CASTOR2: variants seen among roughly 807,000 people sequenced by gnomAD.
The protein encoded by CASTOR2 is cytosolic arginine sensor for mTORC1 subunit 2.
A neutral mutation model predicts 31.2 loss-of-function variants in CASTOR2; 8 were observed. The observed-to-expected ratio is 0.26, with a 90% CI of 0.15 to 0.46. The LOEUF is 0.46. Among genes scored for constraint, CASTOR2 ranks in the 20% least tolerant of loss-of-function variants. The pLI is 0.99. For missense variants in CASTOR2, 216 were observed against 382.1 expected (o/e 0.57, Z 3.62); for synonymous variants, 162 against 158.7 (o/e 1.02, Z -0.16).
intron 1 of CASTOR2, among the ~76,000 whole-genome samples, chr7:74,998,174 G>A (rs1232179433): frequency 1.2e-4 from 18 of 152,106 alleles, no homozygotes; most frequent in Non-Finnish European, 1.8e-4. Flanking sequence ...CTAAGCTTCG[G>A]TTTTCCCGTC....
intron 7 of CASTOR2, among the ~76,000 whole-genome samples, chr7:75,022,484 G>A (rs1805029166): frequency 3.8e-5 from 1 of 26,136 alleles, no homozygotes; most frequent in South Asian, 1.1e-3. Flanking sequence ...CAACCTGGGT[G>A]ACAGAGCAAA....
chr7:75,017,864 C>G, intron 3 of CASTOR2, 73 bp downstream of exon 3: 1 of 1,613,810 alleles, frequency 6.2e-7, no homozygotes, highest in Middle Eastern at 1.7e-4. Flanking sequence ...ATCTCCCACC[C>G]CTTGCAGCCT....
intron 1 of CASTOR2, among the ~76,000 whole-genome samples, chr7:74,985,051 C>A (rs1804031323): frequency 6.6e-6 from 1 of 152,114 alleles, no homozygotes; most frequent in Non-Finnish European, 1.5e-5. Context: ...ACATAAGAAT[C>A]ATTTGAACCC....
At chr7:75,012,264 C>T (rs1346000160) in intron 2 of CASTOR2, among the ~76,000 whole-genome samples, 1 of 152,078 alleles carries the variant, frequency 6.6e-6, no homozygotes, top group East Asian at 1.9e-4. Flanking sequence ...CTGTACCCCT[C>T]ATCTCCTTGG....
intron 2 of CASTOR2, among the ~76,000 whole-genome samples, chr7:75,014,240 C>T (rs1290336620): frequency 1.3e-5 from 2 of 151,756 alleles, no homozygotes; most frequent in African/African-American, 4.8e-5. Flanking sequence ...GTCCATGCCA[C>T]GCATGGCAAG....
chr7:75,008,176 A>T (rs1219120963), intron 2 of CASTOR2, 112 bp downstream of exon 2: 1 of 1,308,160 alleles, frequency 7.6e-7, no homozygotes, highest in Non-Finnish European at 1.1e-6. Flanking sequence ...GCCCCCACCT[A>T]CCTCCTTACT....
chr7:75,021,144 A>G (rs1460858478), intron 6 of CASTOR2, among the ~76,000 whole-genome samples: 3 of 152,024 alleles, frequency 2.0e-5, no homozygotes, highest in African/African-American at 7.2e-5. Flanking sequence ...GGCGCACACC[A>G]CCATACCCTG....
rs1805118463 is a variant in CASTOR2 at position 75,025,986 on chromosome 7, C to G, written c.*1287C>G. 6.6e-6 allele frequency among the ~76,000 whole-genome samples: 1 copy of G among 152,180 alleles called. No homozygotes were observed. On this transcript the variant is annotated 3_prime_UTR_variant, in exon 9 of 9. Transcript: ENST00000616305. Reference sequence around the variant, plus strand: ...GAGCCGCTGGCACCCCACATGGGAACTCCCACCAACCAGCTGTAGTTCTAT... The same window carrying G: ...GAGCCGCTGGCACCCCACATGGGAAGTCCCACCAACCAGCTGTAGTTCTAT...
chr7:74,976,531 TCTC>T (rs369879917), intron 1 of CASTOR2, among the ~76,000 whole-genome samples: 21,705 of 118,416 alleles, frequency 0.18, 2,281 homozygotes, highest in Middle Eastern at 0.22. Flanking sequence ...TGAGACCCTG[TCTC>T]CTCCTCCTCC....
intron 1 of CASTOR2, among the ~76,000 whole-genome samples, chr7:74,989,255 C>T (rs1222743706): frequency 2.5e-5 from 3 of 121,640 alleles, no homozygotes; most frequent in Middle Eastern, 7.7e-3. Context: ...TGAGCCACCA[C>T]GCCTGGCCTT....
At chr7:74,981,552 C>T (rs1803945858) in intron 1 of CASTOR2, among the ~76,000 whole-genome samples, 1 of 145,368 alleles carries the variant, frequency 6.9e-6, no homozygotes, top group African/African-American at 2.5e-5. Context: ...GGTCTCATCC[C>T]CTCCAGGCAG....
At chr7:74,979,418 G>A (rs1379776441) in intron 1 of CASTOR2, among the ~76,000 whole-genome samples, 5 of 128,382 alleles carry the variant, frequency 3.9e-5, no homozygotes, top group Admixed American at 1.6e-4. Flanking sequence ...TTTTTGAGAC[G>A]GAGTCTTACT....
chr7:74,990,389 A>AC (rs1218488335), intron 1 of CASTOR2, among the ~76,000 whole-genome samples: 58 of 151,268 alleles, frequency 3.8e-4, no homozygotes, highest in South Asian at 3.3e-3. Flanking sequence ...TCTCAAAAAA[A>AC]AAAAACAAAA....
At chr7:75,007,909 C>T in intron 1 of CASTOR2, 85 bp from the exon 2 acceptor site, 4 of 1,602,310 alleles carry the variant, frequency 2.5e-6, no homozygotes, top group Non-Finnish European at 3.4e-6. Context: ...TGAACTGAGT[C>T]ATCATCCCCA....
chr7:75,022,437 C>G lies in CASTOR2; in HGVS notation c.829+481C>G, dbSNP rs983228390. Among the ~76,000 whole-genome samples, 9 of 149,096 alleles carry G rather than the reference C, an allele frequency of 6.0e-5. No individual in the cohort carries two copies. The East Asian group carries it at 1.4e-3, about 23-fold the overall frequency. On this transcript the variant is annotated intron_variant, in intron 7 of 8. Transcript: ENST00000616305. ...GGAGGATTACTTGAGCCTAAGAGTT[C>G]AAGGCTACAGTGAGCCATGATCATG...
chr7:74,999,730 G>T (rs1441613428), intron 1 of CASTOR2, among the ~76,000 whole-genome samples: 54 of 141,252 alleles, frequency 3.8e-4, no homozygotes, highest in African/African-American at 1.4e-3. Flanking sequence ...TGATTCTCTC[G>T]CCCCAGCCTC....
chr7:75,004,677 C>G (rs1804569766), intron 1 of CASTOR2, among the ~76,000 whole-genome samples: 1 of 152,028 alleles, frequency 6.6e-6, no homozygotes, highest in Non-Finnish European at 1.5e-5. Context: ...AAACTCCTGA[C>G]CTCGAGTGAT....
chr7:75,010,567 G>A (rs1174430468), intron 2 of CASTOR2, among the ~76,000 whole-genome samples: 31 of 152,190 alleles, frequency 2.0e-4, no homozygotes, highest in Non-Finnish European at 4.4e-5. Context: ...ACAATCCCTC[G>A]ACCCTGCCAT....
intron 2 of CASTOR2, among the ~76,000 whole-genome samples, chr7:75,017,277 T>A (rs1804886553): frequency 6.6e-6 from 1 of 151,624 alleles, no homozygotes; most frequent in South Asian, 2.1e-4. Context: ...TGAAACCCTG[T>A]CTCTACTAAA....
Sources: allele counts gnomAD v4.1 joint callset (sites outside exome capture counted in the v4.1 genomes callset), GRCh38; gene constraint gnomAD v4.1.1; transcripts MANE v1.5; gene names NCBI Gene and HGNC (gene_info 2026-07-23, HGNC 2026-07-21).